The following MAGI3 variants were observed in gnomAD, a reference collection of about 807,000 sequenced individuals.
MAGI3 encodes the protein membrane-associated guanylate kinase, WW and PDZ domain-containing protein 3.
Under a neutral mutation model 121.8 loss-of-function variants are expected in MAGI3, and 43 were observed. That is an observed-to-expected ratio of 0.35 (90% CI 0.28 to 0.46). The LOEUF is 0.46. Ranked by LOEUF, MAGI3 falls within the 20% of genes least tolerant of loss-of-function variation. MAGI3 has a pLI of 1.00. For missense variants in MAGI3, 1,547 were observed against 1,797.3 expected, an observed-to-expected ratio of 0.86 and a Z score of 2.52; for synonymous variants, 553 against 639.3, an observed-to-expected ratio of 0.86 and a Z score of 2.04.
At chr1:113,426,848 G>A (rs1284668449) in intron 1 of MAGI3, among the ~76,000 whole-genome samples, 1 of 151,832 alleles carries the variant, frequency 6.6e-6, no homozygotes. Flanking sequence ...GCCAATTTTA[G>A]TCTTTTAATG....
At chr1:113,525,571 A>G (rs1658411693) in intron 1 of MAGI3, among the ~76,000 whole-genome samples, 1 of 151,998 alleles carries the variant, frequency 6.6e-6, no homozygotes, top group South Asian at 2.1e-4. Context: ...TTATTTAACT[A>G]TTATATGAAA....
chr1:113,420,107 A>G (rs988358265), intron 1 of MAGI3, among the ~76,000 whole-genome samples: 2 of 152,212 alleles, frequency 1.3e-5, no homozygotes, highest in African/African-American at 4.8e-5. Flanking sequence ...CATCAGCTGT[A>G]AGGATGGAGT....
chr1:113,426,062 G>T (rs1281506537), intron 1 of MAGI3, among the ~76,000 whole-genome samples: 2 of 151,996 alleles, frequency 1.3e-5, no homozygotes, highest in African/African-American at 4.8e-5. Context: ...TGTCAGCACT[G>T]CTTTAGCTAC....
intron 15 of MAGI3, among the ~76,000 whole-genome samples, chr1:113,655,345 T>A (rs1009247149): frequency 1.3e-5 from 2 of 152,184 alleles, no homozygotes; most frequent in African/African-American, 4.8e-5. Context: ...ATATTGAAGA[T>A]ATTCCCTTTC....
At chr1:113,622,691 T>G in intron 8 of MAGI3, 115 bp from the exon 9 acceptor site, 2 of 837,774 alleles carry the variant, frequency 2.4e-6, no homozygotes, top group Non-Finnish European at 3.5e-6. Flanking sequence ...GACAAGGCAA[T>G]GAGAAAGAGA....
At chr1:113,656,221 G>T (rs955665784) in intron 15 of MAGI3, among the ~76,000 whole-genome samples, 1 of 152,110 alleles carries the variant, frequency 6.6e-6, no homozygotes, top group African/African-American at 2.4e-5. Context: ...TGAGGCCTGA[G>T]AGTATTCTTG....
intron 1 of MAGI3, among the ~76,000 whole-genome samples, chr1:113,480,868 C>A (rs182778336): frequency 6.6e-6 from 1 of 152,138 alleles, no homozygotes; most frequent in African/African-American, 2.4e-5. Flanking sequence ...CTTTTGAATC[C>A]GCCAGTAGGA....
chr1:113,659,893 C>A (rs1435852680), intron 16 of MAGI3, among the ~76,000 whole-genome samples: 1 of 152,172 alleles, frequency 6.6e-6, no homozygotes, highest in African/African-American at 2.4e-5. Flanking sequence ...TTGTGAATTA[C>A]AACATAACCA....
Position 113,684,113 on chromosome 1 carries a change from G to GATA in MAGI3, c.*101_*103dup. 7.7e-7 allele frequency: 1 copy of GATA among 1,305,548 alleles called. No homozygotes were observed. The highest frequency in any genetic ancestry group is 1.0e-6 in the Non-Finnish European group (1 of 977,310). The allele number at this position is 1,305,548 out of a possible 1,614,324, so 80.9% of individuals were successfully genotyped here. On this transcript the variant is annotated 3_prime_UTR_variant, in exon 21 of 21. Coordinates refer to ENST00000307546, the MANE Select transcript of MAGI3 (RefSeq NM_001142782.2). ...TTTTTTTTTCAGATATTCTGAAACA[G>GATA]ATAAGTACATGTTAATGTGAGCCTC...
At chr1:113,526,601 T>A (rs1019113303) in intron 1 of MAGI3, among the ~76,000 whole-genome samples, 2 of 152,204 alleles carry the variant, frequency 1.3e-5, no homozygotes, top group Non-Finnish European at 2.9e-5. Flanking sequence ...TTAAGGGATT[T>A]GAAGGCTACT....
At chr1:113,679,703 A>T (rs11102669) in intron 19 of MAGI3, among the ~76,000 whole-genome samples, 4 of 150,950 alleles carry the variant, frequency 2.6e-5, no homozygotes, top group South Asian at 2.1e-4. Context: ...ATTTTCCTGA[A>T]AAATGATTTT....
chr1:113,582,279 C>T (rs1034352582), intron 3 of MAGI3, among the ~76,000 whole-genome samples: 3 of 151,990 alleles, frequency 2.0e-5, no homozygotes, highest in Non-Finnish European at 4.4e-5. Context: ...GTGCCCCTCT[C>T]TAGACATCTA....
In MAGI3 at chr1:113,651,021, T is replaced by G. The variant is rs769144688; in HGVS notation, c.2255T>G (p.Ile752Ser). The change falls in exon 14 of 21, where the codon ATT becomes AGT. Residue 752 changes from isoleucine to serine, a missense_variant. Physicochemically the swap from Ile to Ser is moderately radical, Grantham distance 142 (BLOSUM62 -2). Coordinates refer to ENST00000307546, the MANE Select transcript of MAGI3 (RefSeq NM_001142782.2). The part of the protein sequence containing the change: ...GGDGPDQSIY[I>S]GAIIPLGAAE... ...ACTTTGTTATCTTATCAGATATATA[T>G]TGGGGCTATTATTCCCCTGGGAGCA... 4 of 1,613,884 alleles carry G rather than the reference T, an allele frequency of 2.5e-6. No homozygotes were observed. Among genetic ancestry groups the G allele is most frequent in the Non-Finnish European group, 3.4e-6 (4 of 1,179,800 alleles).
chr1:113,438,307 T>C (rs1003093922), intron 1 of MAGI3, among the ~76,000 whole-genome samples: 24 of 152,130 alleles, frequency 1.6e-4, no homozygotes, highest in African/African-American at 5.8e-4. Flanking sequence ...AGACCCCCAT[T>C]GGATGCCTGA....
rs1655125301 is a variant in MAGI3 at position 113,463,382 on chromosome 1, A to T, written c.316+72033A>T. 2.0e-5 allele frequency among the ~76,000 whole-genome samples: 3 copies of T among 147,958 alleles called. No individual in the cohort carries two copies. In the South Asian group the frequency reaches 6.5e-4, roughly 32 times the overall value. ...CTAGATTTTAGAAATCTCATTTAGG[A>T]GAAAGATACTGAGAGGGTGCAACCA... is the stretch of plus-strand genomic sequence containing the variant. On this transcript the variant is annotated intron_variant, in intron 1 of 20. Transcript: ENST00000307546.
rs1570665971 is a variant in MAGI3, at chr1:113,431,530, G to A, written c.316+40181G>A. On this transcript the variant is annotated intron_variant, in intron 1 of 20. Transcript: ENST00000307546. ...AGTCTACAGAAAAATCAATAGTTTAGCATAGATGTTGGATATAAGGTAATG... is the reference window on the plus strand; with the variant it reads ...AGTCTACAGAAAAATCAATAGTTTAACATAGATGTTGGATATAAGGTAATG... Among the ~76,000 whole-genome samples, 3 of 152,186 alleles carry A rather than the reference G, an allele frequency of 2.0e-5. No homozygotes were observed. In the East Asian group the frequency reaches 5.8e-4, roughly 29 times the overall value.
intron 2 of MAGI3, among the ~76,000 whole-genome samples, chr1:113,556,944 A>G (rs1167288456): frequency 6.6e-6 from 1 of 152,208 alleles, no homozygotes; most frequent in African/African-American, 2.4e-5. Context: ...TTAGAAGACA[A>G]AAACTACCAG....
At chr1:113,407,359 A>G (rs887749054) in intron 1 of MAGI3, among the ~76,000 whole-genome samples, 1 of 152,212 alleles carries the variant, frequency 6.6e-6, no homozygotes, top group African/African-American at 2.4e-5. Flanking sequence ...GATTGCAGGT[A>G]AGGAAGGGAG....
rs1652640269 is a variant in MAGI3, at chr1:113,419,768, T to A, written c.316+28419T>A. ...CATAAAACAACATAGATTTATTATC[T>A]TACAGTTCTGGAGGTCAGAGGTCTA... On this transcript the variant is annotated intron_variant, in intron 1 of 20. Transcript: ENST00000307546. Among the ~76,000 whole-genome samples the A allele has an allele frequency of 1.3e-5, 2 of 152,194 alleles. 1 individual carries two copies. The highest frequency in any genetic ancestry group is 4.1e-4 in the South Asian group (2 of 4,830).
Sources: gnomAD v4.1 joint callset for allele counts (sites outside exome capture counted in the v4.1 genomes callset) on GRCh38, gnomAD v4.1.1 for gene constraint, MANE v1.5 for transcripts, NCBI Gene and HGNC (gene_info 2026-07-23, HGNC 2026-07-21) for gene names.